CNTN5: variants seen among roughly 807,000 people sequenced by gnomAD.
CNTN5 encodes contactin 5, also known as contactin-5.
CNTN5 carries 77 observed loss-of-function variants against 129.1 expected under a neutral mutation model. The ratio of observed to expected loss-of-function variants is 0.60; its 90% confidence interval spans 0.50 to 0.72. The LOEUF is 0.72. Ranked by LOEUF, CNTN5 falls within the 30% of genes least tolerant of loss-of-function variation. The pLI, the probability that CNTN5 is intolerant of heterozygous loss-of-function variation, is 0.00. For missense variants in CNTN5, 1,478 were observed against 1,328.8 expected (o/e 1.11, Z -1.75); for synonymous variants, 509 against 465.6 (o/e 1.09, Z -1.20).
At chr11:99,695,901 G>T (rs941265833) in intron 3 of CNTN5, among the ~76,000 whole-genome samples, 1 of 152,020 alleles carries the variant, frequency 6.6e-6, no homozygotes, top group African/African-American at 2.4e-5. Flanking sequence ...CACTTACCTT[G>T]TAGGGTTGTT....
chr11:99,077,494 A>G (rs1397056022), intron 1 of CNTN5, among the ~76,000 whole-genome samples: 2 of 152,204 alleles, frequency 1.3e-5, no homozygotes, highest in Non-Finnish European at 2.9e-5. Context: ...TACACATTTT[A>G]AATATCTCTG....
intron 6 of CNTN5, among the ~76,000 whole-genome samples, chr11:99,911,486 C>T (rs924685491): frequency 1.3e-5 from 2 of 151,900 alleles, no homozygotes; most frequent in African/African-American, 2.4e-5. Flanking sequence ...AGCTTTTATT[C>T]TCCTGTCTTG....
chr11:99,706,756 C>T (rs964018383), intron 3 of CNTN5, among the ~76,000 whole-genome samples: 2 of 151,008 alleles, frequency 1.3e-5, no homozygotes, highest in Admixed American at 1.3e-4. Context: ...GACTTCTACA[C>T]TCTACTTAAC....
At chr11:99,106,121 A>C (rs1001758398) in intron 1 of CNTN5, among the ~76,000 whole-genome samples, 3 of 152,124 alleles carry the variant, frequency 2.0e-5, no homozygotes, top group Non-Finnish European at 4.4e-5. Context: ...GTGAGATTTG[A>C]AAGAGACATA....
chr11:100,214,567 C>T (rs972619527), intron 15 of CNTN5, among the ~76,000 whole-genome samples: 2 of 152,168 alleles, frequency 1.3e-5, no homozygotes, highest in African/African-American at 2.4e-5. Context: ...TCCAACACTA[C>T]GTGGAAGGTC....
At chr11:99,905,439 C>G (rs868836144) in intron 6 of CNTN5, among the ~76,000 whole-genome samples, 3 of 152,054 alleles carry the variant, frequency 2.0e-5, no homozygotes, top group African/African-American at 7.2e-5. Context: ...TCTCAAAGAC[C>G]AGATGGTTGT....
At chr11:100,050,495 G>T (rs1392585038) in intron 9 of CNTN5, among the ~76,000 whole-genome samples, 1 of 151,990 alleles carries the variant, frequency 6.6e-6, no homozygotes, top group Non-Finnish European at 1.5e-5. Flanking sequence ...AGAGGGGGGA[G>T]GGATAGCTTT....
intron 3 of CNTN5, among the ~76,000 whole-genome samples, chr11:99,580,586 C>A (rs1014242001): frequency 6.6e-6 from 1 of 152,126 alleles, no homozygotes; most frequent in East Asian, 1.9e-4. Context: ...GGAATTTATC[C>A]ATTTCTTCTA....
intron 20 of CNTN5, among the ~76,000 whole-genome samples, chr11:100,304,700 G>A (rs1423601313): frequency 6.6e-6 from 1 of 151,420 alleles, no homozygotes; most frequent in African/African-American, 2.4e-5. Context: ...ATAGACATAG[G>A]CACAGAAGCA....
chr11:100,082,064 G>A (rs1448441941), intron 13 of CNTN5, among the ~76,000 whole-genome samples: 3 of 152,130 alleles, frequency 2.0e-5, no homozygotes, highest in Non-Finnish European at 4.4e-5. Context: ...GTAACAAGAT[G>A]TCAAGCAAAT....
At chr11:99,583,261 C>T (rs572795313) in intron 3 of CNTN5, among the ~76,000 whole-genome samples, 8 of 152,270 alleles carry the variant, frequency 5.3e-5, no homozygotes, top group African/African-American at 1.9e-4. Flanking sequence ...AGTTAGGCTA[C>T]TTGGGGGTCA....
chr11:99,661,863 G>A (rs762348182), intron 3 of CNTN5, among the ~76,000 whole-genome samples: 3 of 152,102 alleles, frequency 2.0e-5, no homozygotes, highest in Non-Finnish European at 4.4e-5. Context: ...ATACTTAAAT[G>A]TTAGAAGACT....
At chr11:99,135,660 T>A (rs1859182255) in intron 1 of CNTN5, among the ~76,000 whole-genome samples, 2 of 152,132 alleles carry the variant, frequency 1.3e-5, no homozygotes, top group African/African-American at 4.8e-5. Context: ...CAACATACAA[T>A]TTCATGTATT....
chr11:99,311,178 C>T (rs1441613318), intron 1 of CNTN5, among the ~76,000 whole-genome samples: 5 of 152,040 alleles, frequency 3.3e-5, no homozygotes, highest in African/African-American at 9.7e-5. Context: ...CCGCCCGCCT[C>T]GGCCTCTCAA....
At chr11:99,895,252 G>A (rs1840824311) in intron 6 of CNTN5, among the ~76,000 whole-genome samples, 1 of 152,148 alleles carries the variant, frequency 6.6e-6, no homozygotes, top group African/African-American at 2.4e-5. Flanking sequence ...CTAGACCTGG[G>A]AATTTGAAAA....
chr11:99,620,625 G>A (rs12806313), intron 3 of CNTN5, among the ~76,000 whole-genome samples: 68,286 of 151,060 alleles, frequency 0.45, 15,845 homozygotes, highest in Admixed American at 0.59. Flanking sequence ...CAAGCAGTTA[G>A]TATCAGCAGA....
intron 13 of CNTN5, among the ~76,000 whole-genome samples, chr11:100,105,057 T>A (rs953255201): frequency 2.4e-4 from 36 of 152,142 alleles, no homozygotes; most frequent in Admixed American, 4.6e-4. Context: ...TCACCATATA[T>A]CCTCCGCATC....
At chr11:100,189,850 C>CT (rs925957127) in intron 13 of CNTN5, among the ~76,000 whole-genome samples, 3 of 152,010 alleles carry the variant, frequency 2.0e-5, no homozygotes, top group Admixed American at 6.6e-5. Context: ...TCTAGTTTGA[C>CT]TTTTTTTCTA....
chr11:99,127,608 C>A (rs1224596441), intron 1 of CNTN5, among the ~76,000 whole-genome samples: 1 of 152,210 alleles, frequency 6.6e-6, no homozygotes, highest in Non-Finnish European at 1.5e-5. Context: ...GGTGTTCTAG[C>A]GCACTGCAAT....
Sources: gnomAD v4.1 joint callset for allele counts (sites outside exome capture counted in the v4.1 genomes callset) on GRCh38, gnomAD v4.1.1 for gene constraint, MANE v1.5 for transcripts, NCBI Gene and HGNC (gene_info 2026-07-23, HGNC 2026-07-21) for gene names.